Variants in PLCB1 observed in about 807,000 individuals in gnomAD.
PLCB1 encodes 1-phosphatidylinositol 4,5-bisphosphate phosphodiesterase beta-1.
PLCB1 carries 46 observed loss-of-function variants against 161.8 expected under a neutral mutation model. The ratio of observed to expected loss-of-function variants is 0.28; its 90% CI spans 0.22 to 0.36. PLCB1 has a LOEUF of 0.36. Among genes scored for constraint, PLCB1 ranks in the 10% least tolerant of loss-of-function variants. The probability of loss-of-function intolerance (pLI) is 1.00; values close to 1 mark genes in which losing one functional copy is unlikely to be tolerated. For missense variants in PLCB1, 1,016 were observed against 1,472.5 expected (o/e 0.69, Z 5.07); for synonymous variants, 517 against 503.7 (o/e 1.03, Z -0.35).
At chr20:8,429,441 G>T (rs957901332) in intron 3 of PLCB1, among the ~76,000 whole-genome samples, 40 of 149,692 alleles carry the variant, frequency 2.7e-4, no homozygotes, top group African/African-American at 9.5e-4. Context: ...CCTATTTGTG[G>T]GTTATGAATT....
At chr20:8,177,648 T>G (rs1006401462) in intron 2 of PLCB1, among the ~76,000 whole-genome samples, 4 of 152,022 alleles carry the variant, frequency 2.6e-5, no homozygotes, top group African/African-American at 9.7e-5. Context: ...TTTTTAAAAT[T>G]TTACTTTACT....
chr20:8,443,260 G>A (rs189272756), intron 3 of PLCB1, among the ~76,000 whole-genome samples: 70 of 152,188 alleles, frequency 4.6e-4, no homozygotes, highest in South Asian at 8.3e-4. Flanking sequence ...GATTACAGGC[G>A]TGAGCCACAG....
chr20:8,371,039 C>T (rs987525202), intron 2 of PLCB1: 1 of 205,280 alleles, frequency 4.9e-6, no homozygotes, highest in Non-Finnish European at 9.9e-6. Flanking sequence ...TACCGACATA[C>T]CCTCATACCC....
At chr20:8,146,471 T>C (rs1205171395) in intron 1 of PLCB1, among the ~76,000 whole-genome samples, 2 of 152,248 alleles carry the variant, frequency 1.3e-5, no homozygotes, top group Admixed American at 6.5e-5. Flanking sequence ...AGAGCAAATG[T>C]TGAGAATGTA....
chr20:8,765,041 C>A, intron 25 of PLCB1, 98 bp from the exon 26 acceptor site: 5 of 910,870 alleles, frequency 5.5e-6, no homozygotes, highest in Admixed American at 2.6e-5. Flanking sequence ...TCTAGCTGGG[C>A]AAGATCAACC....
intron 4 of PLCB1, among the ~76,000 whole-genome samples, chr20:8,633,612 C>G (rs1004839148): frequency 6.6e-6 from 1 of 152,040 alleles, no homozygotes; most frequent in African/African-American, 2.4e-5. Context: ...GAGGAGGCAG[C>G]CAGTTAATGC....
At chr20:8,699,861 A>C (rs1193786684) in intron 11 of PLCB1, among the ~76,000 whole-genome samples, 1 of 152,254 alleles carries the variant, frequency 6.6e-6, no homozygotes, top group African/African-American at 2.4e-5. Flanking sequence ...ATTTTACAAC[A>C]AAGTTTAATA....
chr20:8,724,852 T>C, intron 16 of PLCB1, 100 bp downstream of exon 16: 1 of 656,714 alleles, frequency 1.5e-6, no homozygotes. Context: ...AATAGAGAGA[T>C]TTATGCTTTT....
At chr20:8,380,987 G>A (rs1355313672) in intron 3 of PLCB1, among the ~76,000 whole-genome samples, 1 of 152,162 alleles carries the variant, frequency 6.6e-6, no homozygotes, top group East Asian at 1.9e-4. Flanking sequence ...AGGTTGAATA[G>A]GAGTGGTGAG....
At chr20:8,790,361 C>T (rs917522849) in intron 31 of PLCB1, 100 bp downstream of exon 31, 6 of 809,932 alleles carry the variant, frequency 7.4e-6, no homozygotes, top group African/African-American at 1.7e-5. Context: ...TACACAGTCT[C>T]AGATCAGTTC....
Position 8,302,440 on chromosome 20 carries a change from A to T in PLCB1, c.178-68942A>T, listed in dbSNP as rs115146640. On this transcript the variant is annotated intron_variant, in intron 2 of 31. Coordinates refer to ENST00000338037, the MANE Select transcript of PLCB1 (RefSeq NM_015192.4). ...GTGGCCCAAATAGGGGGCCAATTTCATTCTGCTATGAGTCCAATTTAAACA... is the reference window on the plus strand; with the variant it reads ...GTGGCCCAAATAGGGGGCCAATTTCTTTCTGCTATGAGTCCAATTTAAACA... 2.3e-3 allele frequency among the ~76,000 whole-genome samples: 357 copies of T among 152,302 alleles called. 2 individuals carry two copies. The highest frequency in any genetic ancestry group is 8.3e-3 in the African/African-American group (343 of 41,570).
At chr20:8,417,602 A>T (rs542357038) in intron 3 of PLCB1, among the ~76,000 whole-genome samples, 2 of 152,282 alleles carry the variant, frequency 1.3e-5, no homozygotes, top group East Asian at 3.9e-4. Context: ...CTCAAGATAC[A>T]GGCAAACAAA....
intron 3 of PLCB1, among the ~76,000 whole-genome samples, chr20:8,624,676 A>G (rs1408720010): frequency 6.6e-6 from 1 of 152,190 alleles, no homozygotes; most frequent in Non-Finnish European, 1.5e-5. Context: ...TTACCTGAAA[A>G]TGGGAATCAT....
At chr20:8,539,678 TTCTTTC>T (rs1568499528) in intron 3 of PLCB1, among the ~76,000 whole-genome samples, 1 of 89,780 alleles carries the variant, frequency 1.1e-5, no homozygotes, top group African/African-American at 4.7e-5. Context: ...CTTTCTTTCT[TTCTTTC>T]TTTTTCTTTT....
chr20:8,658,761 C>G (rs1207117700), intron 9 of PLCB1, 57 bp downstream of exon 9: 2 of 1,428,836 alleles, frequency 1.4e-6, no homozygotes, highest in African/African-American at 2.9e-5. Context: ...GGGGTAGTCA[C>G]ACGCTGGGAG....
At chr20:8,536,102 A>G (rs1363637601) in intron 3 of PLCB1, among the ~76,000 whole-genome samples, 1 of 152,140 alleles carries the variant, frequency 6.6e-6, no homozygotes, top group Non-Finnish European at 1.5e-5. Context: ...TGGAGGAAAA[A>G]GAATGTGATG....
chr20:8,766,844 ACT>A (rs1299455557), intron 26 of PLCB1, among the ~76,000 whole-genome samples: 1 of 152,022 alleles, frequency 6.6e-6, no homozygotes, highest in Non-Finnish European at 1.5e-5. Flanking sequence ...CATGGACAAC[ACT>A]CTGAGTAGTG....
intron 3 of PLCB1, among the ~76,000 whole-genome samples, chr20:8,467,623 A>G (rs1464987289): frequency 1.3e-5 from 2 of 152,132 alleles, no homozygotes; most frequent in African/African-American, 4.8e-5. Context: ...ACAGTGTTAT[A>G]TTTGAGTTCC....
chr20:8,707,907 G>C (rs766707710), intron 11 of PLCB1, among the ~76,000 whole-genome samples: 5 of 152,148 alleles, frequency 3.3e-5, no homozygotes, highest in South Asian at 2.1e-4. Context: ...CTAAGTGAAA[G>C]GTGGTCGGCA....
Sources: gnomAD v4.1 joint callset for allele counts (sites outside exome capture counted in the v4.1 genomes callset) on GRCh38, gnomAD v4.1.1 for gene constraint, MANE v1.5 for transcripts, NCBI Gene and HGNC (gene_info 2026-07-23, HGNC 2026-07-21) for gene names.